The following FBXL17 variants were observed in gnomAD, a reference collection of about 807,000 sequenced individuals.
FBXL17 encodes F-box/LRR-repeat protein 17.
In FBXL17, 22 loss-of-function variants were observed where a neutral mutation model predicts 66.2. The ratio of observed to expected loss-of-function variants is 0.33; its 90% CI spans 0.24 to 0.47. The LOEUF (loss-of-function observed/expected upper bound fraction) is 0.47. FBXL17 is among the 20% of genes least tolerant of loss of function. The pLI, the probability that FBXL17 is intolerant of heterozygous loss-of-function variation, is 1.00. For missense variants in FBXL17, 878 were observed against 948.2 expected, an observed-to-expected ratio of 0.93 and a Z score of 0.97; for synonymous variants, 474 against 400.5, an observed-to-expected ratio of 1.18 and a Z score of -2.19.
At chr5:108,121,837 G>A (rs1461994846) in intron 6 of FBXL17, among the ~76,000 whole-genome samples, 3 of 152,134 alleles carry the variant, frequency 2.0e-5, no homozygotes, top group Admixed American at 6.5e-5. Context: ...GATTACAGGC[G>A]TGAGCCACCG....
intron 4 of FBXL17, among the ~76,000 whole-genome samples, chr5:108,247,758 T>C (rs1756168900): frequency 6.6e-6 from 1 of 152,198 alleles, no homozygotes. Flanking sequence ...CCAGGGCTTT[T>C]AGTGGTTTAC....
At chr5:107,950,671 T>C (rs192073744) in intron 7 of FBXL17, among the ~76,000 whole-genome samples, 1 of 152,340 alleles carries the variant, frequency 6.6e-6, no homozygotes, top group Non-Finnish European at 1.5e-5. Flanking sequence ...ACTTAGAACA[T>C]GTTTTAGAGC....
At chr5:108,155,806 T>C (rs1172697183) in intron 6 of FBXL17, among the ~76,000 whole-genome samples, 2 of 152,170 alleles carry the variant, frequency 1.3e-5, no homozygotes, top group Non-Finnish European at 1.5e-5. Context: ...AAAATAAGAA[T>C]TCCTTAAGGA....
rs756726228 is a variant in FBXL17 at position 108,083,218 on chromosome 5, A to AACACACACAC, written c.1746-62227_1746-62218dup. On this transcript the variant is annotated intron_variant, in intron 6 of 8. Coordinates refer to ENST00000542267, the MANE Select transcript of FBXL17 (RefSeq NM_001163315.3). The stretch of plus-strand genomic sequence containing the variant: ...GGCTTCTCCCTCACCCTCACCTCAG[A>AACACACACAC]ACACACACACACACACACACACACA... Among the ~76,000 whole-genome samples the AACACACACAC allele has an allele frequency of 5.6e-3, 815 of 144,546 alleles. 3 individuals are homozygous for AACACACACAC. Among genetic ancestry groups the AACACACACAC allele is most frequent in the Non-Finnish European group, 8.6e-3 (564 of 65,852 alleles). The allele number at this position is 144,546 out of a possible 152,430, so 94.8% of individuals were successfully genotyped here.
chr5:107,866,162 A>G (rs1748264983), intron 8 of FBXL17, among the ~76,000 whole-genome samples: 2 of 152,054 alleles, frequency 1.3e-5, no homozygotes, highest in Admixed American at 1.3e-4. Flanking sequence ...AAAACTATCA[A>G]TGGCAACTCC....
chr5:108,038,451 T>C (rs534238017), intron 6 of FBXL17, among the ~76,000 whole-genome samples: 25 of 152,208 alleles, frequency 1.6e-4, no homozygotes, highest in African/African-American at 4.8e-4. Context: ...ATGTTGGCAA[T>C]TGTGTTTCGG....
intron 6 of FBXL17, among the ~76,000 whole-genome samples, chr5:108,153,259 C>A (rs78366278): frequency 6.6e-6 from 1 of 152,112 alleles, no homozygotes; most frequent in Non-Finnish European, 1.5e-5. Context: ...AATCCTGATA[C>A]GGTAGCATAT....
intron 7 of FBXL17, among the ~76,000 whole-genome samples, chr5:108,006,706 A>G (rs759454446): frequency 5.3e-5 from 8 of 152,206 alleles, no homozygotes; most frequent in Non-Finnish European, 1.2e-4. Context: ...TAAAGAAGAA[A>G]AAGTAGGAAA....
chr5:108,148,789 T>A lies in FBXL17; in HGVS notation c.1745+37328A>T, dbSNP rs1332648882. Among the ~76,000 whole-genome samples the A allele has an allele frequency of 2.0e-5, 3 of 152,292 alleles. No homozygotes were observed. In the East Asian group the frequency reaches 5.8e-4, roughly 29 times the overall value. On this transcript the variant is annotated intron_variant, in intron 6 of 8. Coordinates refer to ENST00000542267, the MANE Select transcript of FBXL17 (RefSeq NM_001163315.3). Reference sequence around the variant, plus strand: ...CATCAGGCCAAGTGATTTCATCCTCTACAGTAGCATATGTAATTCTGATGG... The same window carrying A: ...CATCAGGCCAAGTGATTTCATCCTCAACAGTAGCATATGTAATTCTGATGG...
At chr5:108,019,756 T>G (rs894187592) in intron 7 of FBXL17, among the ~76,000 whole-genome samples, 6 of 151,844 alleles carry the variant, frequency 4.0e-5, no homozygotes, top group Admixed American at 2.6e-4. Flanking sequence ...TTTAGAGAGA[T>G]AACCATGTCT....
intron 6 of FBXL17, among the ~76,000 whole-genome samples, chr5:108,061,714 C>T (rs1400462613): frequency 3.3e-5 from 5 of 152,154 alleles, no homozygotes; most frequent in African/African-American, 1.2e-4. Context: ...CTACTCTCCA[C>T]AATTTTGTTA....
At chr5:108,027,249 T>C (rs771548953) in intron 6 of FBXL17, among the ~76,000 whole-genome samples, 5 of 152,270 alleles carry the variant, frequency 3.3e-5, no homozygotes, top group South Asian at 2.1e-4. Context: ...AAAATGCACA[T>C]TTTCTTTAAG....
In FBXL17 at chr5:108,380,879, G is replaced by A. The variant is rs1561569694; in HGVS notation, c.813C>T (p.Pro271=). The part of the protein sequence containing the change: ...PPSSPTSEGA[P]TEAGGDAVRA... ...GGACAGCGTCCCCGCCAGCTTCGGT[G>A]GGGGCACCTTCGGAGGTGGGAGAAG... Residue 271 remains proline, a synonymous_variant, in exon 1 of 9, where the codon CCC becomes CCT. Coordinates refer to ENST00000542267, the MANE Select transcript of FBXL17 (RefSeq NM_001163315.3). 8.1e-6 allele frequency: 10 copies of A among 1,241,366 alleles called. No individual in the cohort carries two copies. The highest frequency in any genetic ancestry group is 1.0e-5 in the Non-Finnish European group (10 of 986,924). The allele number at this position is 1,241,366 out of a possible 1,614,324, so 76.9% of individuals were successfully genotyped here. A position where few individuals can be genotyped will look rare whatever the true frequency, so the allele number is the denominator to read the frequency against.
rs1025247751 is a variant in FBXL17, at chr5:108,007,119, A to G, written c.1822+13806T>C. On this transcript the variant is annotated intron_variant, in intron 7 of 8. Transcript: ENST00000542267. Reference sequence around the variant, plus strand: ...TTAATTTAAAATTTTAAGGTTTTAAATGGAAGAATATAGGTCACTGAATTT... The same window carrying G: ...TTAATTTAAAATTTTAAGGTTTTAAGTGGAAGAATATAGGTCACTGAATTT... 2.0e-4 allele frequency among the ~76,000 whole-genome samples: 30 copies of G among 152,234 alleles called. 1 individual carries two copies. The highest frequency in any genetic ancestry group is 6.8e-4 in the African/African-American group (28 of 41,474).
At chr5:107,862,222 A>G (rs1748142692) in intron 8 of FBXL17, among the ~76,000 whole-genome samples, 1 of 151,952 alleles carries the variant, frequency 6.6e-6, no homozygotes, top group African/African-American at 2.4e-5. Flanking sequence ...TTCATCATCA[A>G]CCCGACAGCC....
chr5:108,009,264 TA>T (rs1754069409), intron 7 of FBXL17, among the ~76,000 whole-genome samples: 12 of 11,118 alleles, frequency 1.1e-3, no homozygotes, highest in African/African-American at 3.5e-3. Flanking sequence ...CCCTGTTTTA[TA>T]TATATATATA....
At chr5:108,189,874 G>A (rs1157351774) in intron 5 of FBXL17, among the ~76,000 whole-genome samples, 1 of 152,096 alleles carries the variant, frequency 6.6e-6, no homozygotes, top group Non-Finnish European at 1.5e-5. Context: ...AAATAAGGGT[G>A]TTAGTTCTAC....
chr5:108,022,657 T>G (rs1024637203), intron 6 of FBXL17, among the ~76,000 whole-genome samples: 2 of 152,138 alleles, frequency 1.3e-5, no homozygotes, highest in Non-Finnish European at 2.9e-5. Context: ...TGATTCATAT[T>G]TGATTATGCT....
chr5:108,109,311 A>T (rs1228617627), intron 6 of FBXL17, among the ~76,000 whole-genome samples: 1 of 152,116 alleles, frequency 6.6e-6, no homozygotes, highest in African/African-American at 2.4e-5. Flanking sequence ...GCAGGTCATA[A>T]GACTTTCATG....
Sources: allele counts gnomAD v4.1 joint callset (sites outside exome capture counted in the v4.1 genomes callset), GRCh38; gene constraint gnomAD v4.1.1; transcripts MANE v1.5; gene names NCBI Gene and HGNC (gene_info 2026-07-23, HGNC 2026-07-21).